ZNF215: variants seen among roughly 807,000 people sequenced by gnomAD.
ZNF215 encodes the protein zinc finger protein 215, also known as BWSCR2-associated zinc finger protein 2.
In ZNF215, 24 loss-of-function variants were observed where a neutral mutation model predicts 27.2. The ratio of observed to expected loss-of-function variants is 0.88; its 90% CI spans 0.64 to 1.24. ZNF215 has a LOEUF of 1.24. ZNF215 is among the 50% of genes most tolerant of loss of function. ZNF215 has a pLI of 0.00. For synonymous variants in ZNF215, 210 were observed against 204.0 expected (o/e 1.03, Z -0.25); for missense variants, 675 against 605.7 (o/e 1.11, Z -1.20).
At chr11:6,935,081 A>T (rs989250912) in intron 3 of ZNF215, among the ~76,000 whole-genome samples, 2 of 152,144 alleles carry the variant, frequency 1.3e-5, no homozygotes. Context: ...ACCTGGGGGT[A>T]TTTTTCAAAA....
At position 6,957,517 on chromosome 11, in the gene ZNF215, T is replaced by G. The variant is rs1169872070; in HGVS notation, c.*986T>G. 3 of 158,548 alleles carry G rather than the reference T, an allele frequency of 1.9e-5. No individual in the cohort carries two copies. Among genetic ancestry groups the G allele is most frequent in the Non-Finnish European group, 4.1e-5 (3 of 73,868 alleles). The allele number at this position is 158,548 out of a possible 1,614,324, so 9.8% of individuals were successfully genotyped here. ...TAAATAATTATCTTATCTGTTTTTATTAATCCGTCTTAAATGTGTATATAG... is the reference window on the plus strand; with the variant it reads ...TAAATAATTATCTTATCTGTTTTTAGTAATCCGTCTTAAATGTGTATATAG... On this transcript the variant is annotated 3_prime_UTR_variant, in exon 7 of 7. Transcript: ENST00000278319.
At chr11:6,993,488 T>C (rs1445669492), downstream of ZNF215, among the ~76,000 whole-genome samples, 1 of 152,086 alleles carries the variant, frequency 6.6e-6, no homozygotes, top group East Asian at 1.9e-4. Context: ...CTGCTTTTTT[T>C]CTATTATGGG....
At chr11:6,950,252 T>C (rs1298000949) in intron 6 of ZNF215, among the ~76,000 whole-genome samples, 2 of 146,304 alleles carry the variant, frequency 1.4e-5, no homozygotes, top group East Asian at 4.0e-4. Context: ...AAAGTAGTTT[T>C]TTCCAATTCT....
chr11:6,945,464 C>T (rs1452649558), intron 6 of ZNF215, among the ~76,000 whole-genome samples: 2 of 152,188 alleles, frequency 1.3e-5, no homozygotes, highest in African/African-American at 2.4e-5. Flanking sequence ...CTCATTTCCT[C>T]ACCTCCTATT....
At chr11:6,961,111 A>T (rs1850508391), downstream of ZNF215, among the ~76,000 whole-genome samples, 1 of 152,150 alleles carries the variant, frequency 6.6e-6, no homozygotes, top group South Asian at 2.1e-4. Context: ...GAGACAATAA[A>T]TCCAACCCAA....
chr11:6,939,522 A>G (rs1228057907), intron 3 of ZNF215, among the ~76,000 whole-genome samples: 1 of 152,200 alleles, frequency 6.6e-6, no homozygotes, highest in African/African-American at 2.4e-5. Context: ...AGAAAATACT[A>G]GGAAGTGGAA....
At chr11:6,928,787 T>C (rs1849150654) in intron 2 of ZNF215, among the ~76,000 whole-genome samples, 2 of 152,272 alleles carry the variant, frequency 1.3e-5, no homozygotes, top group East Asian at 1.9e-4. Flanking sequence ...CATTTTTTTG[T>C]TGGACTAAAT....
chr11:6,949,092 G>A (rs376092899), intron 6 of ZNF215, among the ~76,000 whole-genome samples: 8,800 of 150,504 alleles, frequency 0.058, 365 homozygotes, highest in African/African-American at 0.12. Flanking sequence ...CATTTTTTAT[G>A]GCTGCATAGT....
At chr11:6,978,809 G>A (rs1049306865) in intron 5 of ZNF215, among the ~76,000 whole-genome samples, 1 of 151,898 alleles carries the variant, frequency 6.6e-6, no homozygotes, top group Non-Finnish European at 1.5e-5. Flanking sequence ...GCTTGAAAAT[G>A]TTCATAATAA....
chr11:6,981,649 A>G (rs1240656023), intron 5 of ZNF215, among the ~76,000 whole-genome samples: 2 of 152,042 alleles, frequency 1.3e-5, no homozygotes, highest in African/African-American at 4.8e-5. Flanking sequence ...TTTTGTTGCC[A>G]TTGCTTTTGG....
chr11:6,994,386 G>T (rs547948404), intron 6 of ZNF215, among the ~76,000 whole-genome samples: 1 of 152,140 alleles, frequency 6.6e-6, no homozygotes, highest in Admixed American at 6.5e-5. Flanking sequence ...CAAAGCAGTT[G>T]TGAAATTTTA....
rs10742995 is a variant in ZNF215, at chr11:6,957,217, A to G, written c.*686A>G. The G allele has an allele frequency of 0.37, 360,855 of 980,332 alleles. 67,185 individuals carry two copies. The highest frequency in any genetic ancestry group is 0.49 in the South Asian group (10,428 of 21,186). The allele number at this position is 980,332 out of a possible 1,614,324, so 60.7% of individuals were successfully genotyped here. ...AATGTTTTTGTTTTGTTATAATGTT[A>G]TAATTGTTATGATGTTGATGAGAAA... On this transcript the variant is annotated 3_prime_UTR_variant, in exon 7 of 7. Coordinates refer to ENST00000278319, the MANE Select transcript of ZNF215 (RefSeq NM_013250.4).
downstream of ZNF215, among the ~76,000 whole-genome samples, chr11:6,961,344 T>C (rs1850514222): frequency 6.6e-6 from 1 of 152,108 alleles, no homozygotes; most frequent in East Asian, 1.9e-4. Context: ...CTGAAGAGAA[T>C]TGGTATCAGC....
intron 6 of ZNF215, among the ~76,000 whole-genome samples, chr11:6,954,668 C>T (rs191493369): frequency 6.6e-6 from 1 of 152,192 alleles, no homozygotes; most frequent in Non-Finnish European, 1.5e-5. Flanking sequence ...AAGGGAACTC[C>T]CTGACCCCTT....
rs1018718317 is a variant in ZNF215, at chr11:6,956,837, G to A, written c.*306G>A. ...TCACCTCTCCCTAGTTCATAAATAG[G>A]TCTATAGCATACTAATATCCACCTG... On this transcript the variant is annotated 3_prime_UTR_variant, in exon 7 of 7. Coordinates refer to ENST00000278319, the MANE Select transcript of ZNF215 (RefSeq NM_013250.4). The A allele has an allele frequency of 9.3e-7, 1 of 1,071,462 alleles. No homozygotes were observed. Among genetic ancestry groups the A allele is most frequent in the Non-Finnish European group, 1.1e-6 (1 of 884,934 alleles). The allele number at this position is 1,071,462 out of a possible 1,614,324, so 66.4% of individuals were successfully genotyped here.
At chr11:6,986,156 G>T (rs951145485), downstream of ZNF215, among the ~76,000 whole-genome samples, 2 of 152,040 alleles carry the variant, frequency 1.3e-5, no homozygotes, top group African/African-American at 4.8e-5. Flanking sequence ...AACCAAAATA[G>T]CATGATTCTG....
chr11:6,954,937 T>C (rs911242494), intron 6 of ZNF215, among the ~76,000 whole-genome samples: 2 of 152,132 alleles, frequency 1.3e-5, no homozygotes, highest in Non-Finnish European at 2.9e-5. Context: ...ACAGAGTATA[T>C]AGAAGCTAAA....
chr11:6,993,498 G>A (rs575079810), downstream of ZNF215, among the ~76,000 whole-genome samples: 21 of 151,724 alleles, frequency 1.4e-4, 1 homozygote, highest in South Asian at 3.7e-3. Flanking sequence ...TCTATTATGG[G>A]AGATGGAAAT....
chr11:6,955,980 G>C lies in ZNF215; in HGVS notation c.1003G>C (p.Asp335His), dbSNP rs1850324769. Residue 335 changes from aspartate (D) to histidine (H), a missense_variant, in exon 7 of 7, where the codon GAT (aspartate) becomes CAT (histidine). Asp to His is a moderately conservative substitution (Grantham distance 81). Coordinates refer to ENST00000278319, the MANE Select transcript of ZNF215 (RefSeq NM_013250.4). ...IPSRKGSPKC[D>H]KFKTYFKFNL... ...TTCAAGAAAGGGGTCTCCAAAATGTGATAAGTTTAAAACTTACTTCAAATT... is the reference window on the plus strand; with the variant it reads ...TTCAAGAAAGGGGTCTCCAAAATGTCATAAGTTTAAAACTTACTTCAAATT... The C allele has an allele frequency of 2.5e-6, 4 of 1,612,770 alleles. No individual in the cohort carries two copies. The highest frequency in any genetic ancestry group is 1.7e-5 in the Admixed American group (1 of 59,810).
Sources: allele counts gnomAD v4.1 joint callset (sites outside exome capture counted in the v4.1 genomes callset), GRCh38; gene constraint gnomAD v4.1.1; transcripts MANE v1.5; gene names NCBI Gene and HGNC (gene_info 2026-07-23, HGNC 2026-07-21).